LCLAT1: variants seen among roughly 807,000 people sequenced by gnomAD.
The protein encoded by LCLAT1 is 1-AGP acyltransferase 8.
In LCLAT1, 11 loss-of-function variants were observed where a neutral mutation model predicts 30.7. That is an observed-to-expected ratio of 0.36 (90% CI 0.23 to 0.59). The LOEUF is 0.59. Ranked by LOEUF, LCLAT1 falls within the 20% of genes least tolerant of loss-of-function variation. LCLAT1 has a pLI of 0.77. For missense variants in LCLAT1, 402 were observed against 458.6 expected (o/e 0.88, Z 1.13); for synonymous variants, 155 against 151.3 (o/e 1.02, Z -0.18).
chr2:30,588,800 A>G (rs1367940827), intron 5 of LCLAT1, among the ~76,000 whole-genome samples: 1 of 152,014 alleles, frequency 6.6e-6, no homozygotes, highest in Admixed American at 6.5e-5. Context: ...GGGTTTCTTC[A>G]TGCTGGTCAG....
chr2:30,471,384 A>G (rs2148292389), intron 1 of LCLAT1, among the ~76,000 whole-genome samples: 1 of 150,804 alleles, frequency 6.6e-6, no homozygotes, highest in Middle Eastern at 3.5e-3. Context: ...TAGTTTTTGT[A>G]TTTTTAGTAG....
At chr2:30,463,401 CAG>C (rs1483462696) in intron 1 of LCLAT1, among the ~76,000 whole-genome samples, 8 of 151,992 alleles carry the variant, frequency 5.3e-5, no homozygotes, top group Non-Finnish European at 1.2e-4. Context: ...TAATTAAAAA[CAG>C]AGTCATTCAT....
At position 30,545,723 on chromosome 2, in the gene LCLAT1, A is replaced by G. The variant is rs934926122; in HGVS notation, c.364+12409A>G. On this transcript the variant is annotated intron_variant, in intron 3 of 5. Coordinates refer to ENST00000379509, the MANE Select transcript of LCLAT1 (RefSeq NM_001002257.3). Reference sequence around the variant, plus strand: ...TTTACTTTTAGCCAATTTTATGACCACTTAACTAGTGAAATGAAATATTAA... The same window carrying G: ...TTTACTTTTAGCCAATTTTATGACCGCTTAACTAGTGAAATGAAATATTAA... Among the ~76,000 whole-genome samples the G allele has an allele frequency of 2.0e-5, 3 of 152,168 alleles. No homozygotes were observed. In the East Asian group the frequency reaches 5.8e-4, roughly 29 times the overall value.
rs890872875 is a variant in LCLAT1, at chr2:30,570,819, G to A, written c.628+2643G>A. 4.6e-5 allele frequency among the ~76,000 whole-genome samples: 7 copies of A among 152,164 alleles called. No individual in the cohort carries two copies. The East Asian group carries it at 5.8e-4, about 13-fold the overall frequency. ...TGGTTGTGATGCTGCCTGAGATAAC[G>A]GGGGAGCAGAGCAGGAAGAGGCTAA... On this transcript the variant is annotated intron_variant, in intron 5 of 5. Coordinates refer to ENST00000379509, the MANE Select transcript of LCLAT1 (RefSeq NM_001002257.3).
chr2:30,603,296 G>A (rs561183739), intron 5 of LCLAT1, among the ~76,000 whole-genome samples: 33 of 151,828 alleles, frequency 2.2e-4, no homozygotes, highest in Admixed American at 3.9e-4. Context: ...AAAACCTAGC[G>A]TGTCTAGAGA....
At chr2:30,514,224 G>A (rs1475833502) in intron 1 of LCLAT1, among the ~76,000 whole-genome samples, 1 of 152,226 alleles carries the variant, frequency 6.6e-6, no homozygotes, top group Non-Finnish European at 1.5e-5. Flanking sequence ...AGAATGTAAA[G>A]TGCCTATTTT....
chr2:30,556,093 A>C (rs944927392), intron 3 of LCLAT1, among the ~76,000 whole-genome samples: 1 of 151,986 alleles, frequency 6.6e-6, no homozygotes, highest in Admixed American at 6.6e-5. Flanking sequence ...CGTGACCGGC[A>C]ACAAACTATT....
At chr2:30,559,736 A>C (rs1341038225) in intron 3 of LCLAT1, among the ~76,000 whole-genome samples, 1 of 152,166 alleles carries the variant, frequency 6.6e-6, no homozygotes, top group East Asian at 1.9e-4. Context: ...TAATCTCTTC[A>C]TCTCTTTCTA....
chr2:30,631,954 G>T (rs1310652418), intron 5 of LCLAT1, among the ~76,000 whole-genome samples: 1 of 152,074 alleles, frequency 6.6e-6, no homozygotes, highest in African/African-American at 2.4e-5. Context: ...TCAAATTTTG[G>T]AACATGTTGA....
At chr2:30,449,186 G>A (rs1227929961) in intron 1 of LCLAT1, among the ~76,000 whole-genome samples, 1 of 152,130 alleles carries the variant, frequency 6.6e-6, no homozygotes, top group African/African-American at 2.4e-5. Flanking sequence ...CTACCACCAT[G>A]CCTACTATCT....
intron 1 of LCLAT1, among the ~76,000 whole-genome samples, chr2:30,516,166 A>G (rs772979865): frequency 1.2e-4 from 18 of 152,206 alleles, no homozygotes; most frequent in South Asian, 4.1e-4. Flanking sequence ...GGGAGGGACA[A>G]CTATCAGGAT....
intron 1 of LCLAT1, among the ~76,000 whole-genome samples, chr2:30,499,014 A>T (rs1412119327): frequency 1.3e-5 from 2 of 152,204 alleles, no homozygotes; most frequent in Non-Finnish European, 2.9e-5. Flanking sequence ...AGTAAGGAAA[A>T]TAAACTGTCA....
intron 5 of LCLAT1, among the ~76,000 whole-genome samples, chr2:30,610,769 A>T (rs1667697849): frequency 6.6e-6 from 1 of 152,140 alleles, no homozygotes; most frequent in African/African-American, 2.4e-5. Flanking sequence ...CAACACATTT[A>T]ATGTCTTTTC....
Position 30,451,684 on chromosome 2 carries a change from G to T in LCLAT1, c.-5+4301G>T, listed in dbSNP as rs929128545. ...TGAGTAAATTGTGATATATTTATAA[G>T]ATGAAACACTGCAGAACCAGTTGTA... On this transcript the variant is annotated intron_variant, in intron 1 of 5. Transcript: ENST00000379509. Among the ~76,000 whole-genome samples, 2 of 124,830 alleles carry T rather than the reference G, an allele frequency of 1.6e-5. 1 individual carries two copies. The highest frequency in any genetic ancestry group is 5.5e-4 in the East Asian group (2 of 3,642). The allele number at this position is 124,830 out of a possible 152,430, so 81.9% of individuals were successfully genotyped here.
intron 4 of LCLAT1, among the ~76,000 whole-genome samples, chr2:30,566,585 C>T (rs958036808): frequency 6.6e-6 from 1 of 152,102 alleles, no homozygotes; most frequent in Admixed American, 6.5e-5. Flanking sequence ...TTGAGGACTC[C>T]GTGATCTTAA....
chr2:30,520,278 G>A lies in LCLAT1; in HGVS notation c.-4-5309G>A, dbSNP rs1012569453. 2.0e-5 allele frequency among the ~76,000 whole-genome samples: 3 copies of A among 152,266 alleles called. No homozygotes were observed. In the East Asian group the frequency reaches 5.8e-4, roughly 29 times the overall value. ...CTGCCAGTAACAGTAAGATAAGAAAGACATAAGGCTATCTCACTAAGTTTG... is the reference window on the plus strand; with the variant it reads ...CTGCCAGTAACAGTAAGATAAGAAAAACATAAGGCTATCTCACTAAGTTTG... On this transcript the variant is annotated intron_variant, in intron 1 of 5. Transcript: ENST00000379509.
chr2:30,475,822 A>G (rs1458331483), intron 1 of LCLAT1, among the ~76,000 whole-genome samples: 1 of 152,250 alleles, frequency 6.6e-6, no homozygotes, highest in African/African-American at 2.4e-5. Context: ...TGAAATCTCA[A>G]GGAACATTCT....
intron 3 of LCLAT1, among the ~76,000 whole-genome samples, chr2:30,556,110 A>T (rs1454794414): frequency 6.6e-6 from 1 of 151,982 alleles, no homozygotes; most frequent in Non-Finnish European, 1.5e-5. Flanking sequence ...TATTTCTGTA[A>T]GGGACTAGGT....
At chr2:30,622,565 A>G (rs548347007) in intron 5 of LCLAT1, among the ~76,000 whole-genome samples, 110 of 152,198 alleles carry the variant, frequency 7.2e-4, no homozygotes, top group African/African-American at 1.8e-3. Context: ...CACTCCCCCA[A>G]TACCTCCACC....
Sources: allele counts gnomAD v4.1 joint callset (sites outside exome capture counted in the v4.1 genomes callset), GRCh38; gene constraint gnomAD v4.1.1; transcripts MANE v1.5; gene names NCBI Gene and HGNC (gene_info 2026-07-23, HGNC 2026-07-21).